EIPR1: variants seen among roughly 807,000 people sequenced by gnomAD.
EIPR1 encodes the protein EARP complex and GARP complex interacting protein 1.
Under a neutral mutation model 48.1 loss-of-function variants are expected in EIPR1, and 25 were observed. The observed-to-expected ratio is 0.52, with a 90% confidence interval of 0.38 to 0.73. EIPR1 has a LOEUF of 0.73. Ranked by LOEUF, EIPR1 falls within the 30% of genes least tolerant of loss-of-function variation. The pLI is 0.00. For missense variants in EIPR1, 415 were observed against 506.2 expected (o/e 0.82, Z 1.73); for synonymous variants, 204 against 201.9 (o/e 1.01, Z -0.09).
chr2:3,279,164 G>A (rs1175976964), intron 3 of EIPR1, among the ~76,000 whole-genome samples: 6 of 152,014 alleles, frequency 3.9e-5, no homozygotes, highest in East Asian at 1.9e-4. Flanking sequence ...TATACACCTC[G>A]CAACCGATCA....
At chr2:3,252,715 C>A (rs778595951) in intron 4 of EIPR1, among the ~76,000 whole-genome samples, 1 of 152,184 alleles carries the variant, frequency 6.6e-6, no homozygotes, top group Non-Finnish European at 1.5e-5. Context: ...CTAAGTGGGG[C>A]TGGTGATGGG....
intron 4 of EIPR1, among the ~76,000 whole-genome samples, chr2:3,231,521 CTAATTTATT>C (rs1459814315): frequency 6.6e-6 from 1 of 152,150 alleles, no homozygotes; most frequent in Non-Finnish European, 1.5e-5. Flanking sequence ...ACTTCTATAT[CTAATTTATT>C]TAGAGTTTTT....
chr2:3,283,636 AAG>A (rs1668083357), intron 3 of EIPR1, among the ~76,000 whole-genome samples: 1 of 152,222 alleles, frequency 6.6e-6, no homozygotes, highest in African/African-American at 2.4e-5. Context: ...CCACTAGTTA[AAG>A]AGGGGAAGAA....
At chr2:3,208,358 TG>T in intron 5 of EIPR1, 1 of 1,141,152 alleles carries the variant, frequency 8.8e-7, no homozygotes, top group Non-Finnish European at 1.2e-6. Context: ...TGTGCCCGGG[TG>T]GGACTCATTT....
At chr2:3,237,590 G>A (rs973842948) in intron 4 of EIPR1, among the ~76,000 whole-genome samples, 2 of 152,176 alleles carry the variant, frequency 1.3e-5, no homozygotes, top group Non-Finnish European at 2.9e-5. Context: ...TTGGAACAGG[G>A]ACTGCTGTAT....
At chr2:3,331,094 A>G (rs1669884192) in intron 3 of EIPR1, among the ~76,000 whole-genome samples, 1 of 135,764 alleles carries the variant, frequency 7.4e-6, no homozygotes, top group Non-Finnish European at 1.7e-5. Context: ...AGATGGTGTG[A>G]GCAGAGGCAG....
At chr2:3,352,901 G>T (rs1572477984) in intron 2 of EIPR1, among the ~76,000 whole-genome samples, 2 of 152,330 alleles carry the variant, frequency 1.3e-5, no homozygotes, top group East Asian at 3.9e-4. Context: ...GGAGGCTGAG[G>T]CAGGAGAATC....
At chr2:3,317,684 G>A (rs1476701944) in intron 3 of EIPR1, among the ~76,000 whole-genome samples, 3 of 152,338 alleles carry the variant, frequency 2.0e-5, no homozygotes, top group African/African-American at 7.2e-5. Flanking sequence ...GACCCAGTGT[G>A]ACTGTACTGG....
At chr2:3,294,984 TACACAC>T (rs143221197) in intron 3 of EIPR1, among the ~76,000 whole-genome samples, 4 of 67,414 alleles carry the variant, frequency 5.9e-5, no homozygotes, top group African/African-American at 1.3e-4. Flanking sequence ...CCATCCTCTC[TACACAC>T]ACACACACAC....
intron 3 of EIPR1, among the ~76,000 whole-genome samples, chr2:3,278,668 C>T (rs1397031267): frequency 6.6e-6 from 1 of 152,164 alleles, no homozygotes; most frequent in African/African-American, 2.4e-5. Flanking sequence ...GCCTTCCCCT[C>T]CAGCTGAGTC....
At chr2:3,201,211 C>T (rs1665023420) in intron 5 of EIPR1, among the ~76,000 whole-genome samples, 1 of 152,146 alleles carries the variant, frequency 6.6e-6, no homozygotes, top group African/African-American at 2.4e-5. Flanking sequence ...CCGGGAACAC[C>T]AGGGCCTGAC....
chr2:3,207,122 TC>T (rs927230825), intron 5 of EIPR1, among the ~76,000 whole-genome samples: 15 of 152,138 alleles, frequency 9.9e-5, no homozygotes, highest in African/African-American at 3.6e-4. Flanking sequence ...AGCTGCTCCA[TC>T]CGCATCCATG....
chr2:3,294,448 T>C (rs1315631772), intron 3 of EIPR1, among the ~76,000 whole-genome samples: 1 of 133,506 alleles, frequency 7.5e-6, no homozygotes, highest in Admixed American at 7.5e-5. Context: ...GCCCATCCTC[T>C]CTCCAAACAC....
chr2:3,246,832 G>C (rs1246929574), intron 4 of EIPR1, among the ~76,000 whole-genome samples: 1 of 78,764 alleles, frequency 1.3e-5, no homozygotes, highest in Admixed American at 1.2e-4. Flanking sequence ...AGGAAGGGAG[G>C]GAAGGAGGAA....
At chr2:3,328,192 A>C (rs1465511340) in intron 3 of EIPR1, among the ~76,000 whole-genome samples, 2 of 152,226 alleles carry the variant, frequency 1.3e-5, no homozygotes, top group Non-Finnish European at 2.9e-5. Flanking sequence ...CTGTCACAGC[A>C]GACTACCTCA....
At chr2:3,247,698 G>C (rs1359135841) in intron 4 of EIPR1, among the ~76,000 whole-genome samples, 2 of 152,150 alleles carry the variant, frequency 1.3e-5, no homozygotes, top group Non-Finnish European at 2.9e-5. Context: ...TCTACATATT[G>C]ATAAGATGCA....
At chr2:3,306,532 C>G (rs1356098628) in intron 3 of EIPR1, among the ~76,000 whole-genome samples, 1 of 152,128 alleles carries the variant, frequency 6.6e-6, no homozygotes, top group African/African-American at 2.4e-5. Context: ...TACTAATAGC[C>G]CACTGTTGCC....
At chr2:3,292,507 A>G (rs1225087852) in intron 3 of EIPR1, among the ~76,000 whole-genome samples, 1 of 152,044 alleles carries the variant, frequency 6.6e-6, no homozygotes, top group East Asian at 1.9e-4. Context: ...CGCACCTCAC[A>G]AGTACCTCTC....
intron 3 of EIPR1, among the ~76,000 whole-genome samples, chr2:3,313,522 C>G (rs961674605): frequency 6.6e-6 from 1 of 152,120 alleles, no homozygotes; most frequent in Non-Finnish European, 1.5e-5. Flanking sequence ...TGGACTCCCA[C>G]AAGTATTATT....
Sources: gnomAD v4.1 joint callset for allele counts (sites outside exome capture counted in the v4.1 genomes callset) on GRCh38, gnomAD v4.1.1 for gene constraint, MANE v1.5 for transcripts, NCBI Gene and HGNC (gene_info 2026-07-23, HGNC 2026-07-21) for gene names.